The following SLC35D4 variants were observed in gnomAD, a reference collection of about 807,000 sequenced individuals.
The protein encoded by SLC35D4 is UDP-N-acetylglucosamine transporter SLC35D4.
the SLC35D4 span, among the ~76,000 whole-genome samples, chr18:23,432,639 C>A: frequency 6.7e-6 from 1 of 150,168 alleles, no homozygotes; most frequent in Admixed American, 6.7e-5. Flanking sequence ...CGAGATTGAG[C>A]CACTGCACTC....
chr18:23,271,247 A>G, the SLC35D4 span, among the ~76,000 whole-genome samples: 1 of 152,200 alleles, frequency 6.6e-6, no homozygotes. Context: ...TTTGCCTTCC[A>G]CCATGATTGT....
the SLC35D4 span, among the ~76,000 whole-genome samples, chr18:23,357,251 C>T: frequency 1.3e-5 from 2 of 152,156 alleles, no homozygotes; most frequent in South Asian, 4.1e-4. Context: ...GGGGGCCAGA[C>T]CAACTGTGCA....
the SLC35D4 span, among the ~76,000 whole-genome samples, chr18:23,246,225 C>T: frequency 6.6e-6 from 1 of 151,162 alleles, no homozygotes; most frequent in Non-Finnish European, 1.5e-5. Flanking sequence ...GATCACACCA[C>T]TGCACACTCC....
At chr18:23,336,320 C>T in the SLC35D4 span, among the ~76,000 whole-genome samples, 2 of 152,256 alleles carry the variant, frequency 1.3e-5, no homozygotes, top group South Asian at 4.1e-4. Flanking sequence ...ATGTTCCTGT[C>T]GCCTCATCAG....
chr18:23,253,500 A>T, the SLC35D4 span, among the ~76,000 whole-genome samples: 1 of 152,244 alleles, frequency 6.6e-6, no homozygotes. Context: ...AAACAAAAAA[A>T]GTAAACATGT....
the SLC35D4 span, among the ~76,000 whole-genome samples, chr18:23,322,861 G>T: frequency 1.3e-5 from 2 of 152,206 alleles, no homozygotes; most frequent in Non-Finnish European, 2.9e-5. Flanking sequence ...ACTCAAATCA[G>T]TGACAACCTG....
the SLC35D4 span, among the ~76,000 whole-genome samples, chr18:23,268,042 C>T: frequency 6.6e-6 from 1 of 152,236 alleles, no homozygotes; most frequent in African/African-American, 2.4e-5. Flanking sequence ...AGCCCACATG[C>T]TGCAGCCATT....
At chr18:23,377,631 G>A in the SLC35D4 span, 3 of 1,571,948 alleles carry the variant, frequency 1.9e-6, no homozygotes, top group Admixed American at 2.0e-5. Flanking sequence ...TTTGGGGGGA[G>A]GGCAGTAAAC....
At chr18:23,253,683 C>T in the SLC35D4 span, 1 of 1,535,564 alleles carries the variant, frequency 6.5e-7, no homozygotes, top group Non-Finnish European at 8.9e-7. Context: ...TCCACTGAAA[C>T]TCTAAGTTTT....
At chr18:23,385,040 T>G in the SLC35D4 span, 1 of 1,613,604 alleles carries the variant, frequency 6.2e-7, no homozygotes, top group Middle Eastern at 1.7e-4. Flanking sequence ...TCAGCTACAT[T>G]ATGCAAAGTG....
the SLC35D4 span, chr18:23,297,939 G>T: frequency 1.3e-6 from 2 of 1,563,260 alleles, no homozygotes. Context: ...TGAGACCAGG[G>T]GCTCGTACAC....
the SLC35D4 span, among the ~76,000 whole-genome samples, chr18:23,432,172 C>G: frequency 6.6e-6 from 1 of 152,178 alleles, no homozygotes; most frequent in East Asian, 1.9e-4. Context: ...GCCTGAAATG[C>G]CCTTAACAAG....
chr18:23,413,362 G>T, the SLC35D4 span, among the ~76,000 whole-genome samples: 3 of 152,148 alleles, frequency 2.0e-5, no homozygotes, highest in African/African-American at 7.2e-5. Context: ...AGCCCAATAA[G>T]AGCTTCAAAG....
the SLC35D4 span, among the ~76,000 whole-genome samples, chr18:23,326,110 A>G: frequency 6.6e-6 from 1 of 152,256 alleles, no homozygotes; most frequent in Admixed American, 6.5e-5. Flanking sequence ...TGGCCCTGCC[A>G]TGTTTCTGGT....
the SLC35D4 span, among the ~76,000 whole-genome samples, chr18:23,337,002 AGTGTGTGTGT>A: frequency 6.8e-6 from 1 of 147,912 alleles, no homozygotes; most frequent in African/African-American, 2.5e-5. Flanking sequence ...TTTCCCCTGT[AGTGTGTGTGT>A]GTGTGTGTGT....
At chr18:23,350,420 G>T in the SLC35D4 span, among the ~76,000 whole-genome samples, 649 of 152,236 alleles carry the variant, frequency 4.3e-3, 5 homozygotes, top group African/African-American at 0.015. Flanking sequence ...TCAAACCCCA[G>T]GCTGTTTTCA....
At chr18:23,392,754 T>A in the SLC35D4 span, among the ~76,000 whole-genome samples, 2 of 152,252 alleles carry the variant, frequency 1.3e-5, no homozygotes, top group African/African-American at 4.8e-5. Flanking sequence ...GCTGTTTTCT[T>A]CACACTTTAC....
the SLC35D4 span, among the ~76,000 whole-genome samples, chr18:23,353,098 T>TGTGTG: frequency 6.6e-6 from 1 of 151,270 alleles, no homozygotes; most frequent in East Asian, 1.9e-4. Context: ...TGTGTGTGTG[T>TGTGTG]GTGTGTGTGT....
chr18:23,264,958 A>G, the SLC35D4 span, among the ~76,000 whole-genome samples: 7 of 152,174 alleles, frequency 4.6e-5, no homozygotes, highest in Non-Finnish European at 7.3e-5. Context: ...ACTTTTAAAT[A>G]ACCAGATCTC....
Sources: allele counts gnomAD v4.1 joint callset (sites outside exome capture counted in the v4.1 genomes callset), GRCh38; gene constraint gnomAD v4.1.1; transcripts MANE v1.5; gene names NCBI Gene and HGNC (gene_info 2026-07-23, HGNC 2026-07-21).